The following KHSRP variants were observed in gnomAD, a reference collection of about 807,000 sequenced individuals.
The protein encoded by KHSRP is KH-type splicing regulatory protein.
In KHSRP, 13 loss-of-function variants were observed where a neutral mutation model predicts 94.9. The observed-to-expected ratio is 0.14, with a 90% confidence interval of 0.09 to 0.22. The LOEUF (loss-of-function observed/expected upper bound fraction) is 0.22. Among genes scored for constraint, KHSRP ranks in the 10% least tolerant of loss-of-function variants. The probability of loss-of-function intolerance (pLI) is 1.00; values close to 1 mark genes in which losing one functional copy is unlikely to be tolerated. For synonymous variants in KHSRP, 495 were observed against 401.4 expected, an observed-to-expected ratio of 1.23 and a Z score of -2.79; for missense variants, 710 against 1,010.0, an observed-to-expected ratio of 0.70 and a Z score of 4.03.
In KHSRP at chr19:6,422,359, CT is replaced by C; in HGVS notation, c.326del (p.Lys109ArgfsTer37). 6.2e-7 allele frequency: 1 copy of C among 1,613,502 alleles called. No individual in the cohort carries two copies. Among genetic ancestry groups the C allele is most frequent in the Non-Finnish European group, 8.5e-7 (1 of 1,179,464 alleles). On this transcript the variant is annotated frameshift_variant, in exon 2 of 19. Transcript: ENST00000600480. LOFTEE classifies it high-confidence loss of function. ...AGTTACCTCCATCTTCCAACTGTCT[CT>C]TTTGGCCCCCAAAACCAAAATCAGG... ...STPDFGFGGQ[K>X]RQLEDGDQPE...
chr19:6,417,335 A>C (rs964734452), intron 11 of KHSRP, among the ~76,000 whole-genome samples: 6 of 152,192 alleles, frequency 3.9e-5, no homozygotes, highest in African/African-American at 1.2e-4. Context: ...GCACTGAGAG[A>C]TTTTACAGAA....
intron 5 of KHSRP, 114 bp downstream of exon 5, chr19:6,420,308 G>A (rs1052011371): frequency 2.9e-5 from 34 of 1,181,330 alleles, no homozygotes; most frequent in African/African-American, 9.1e-5. Context: ...AGGGACAAAT[G>A]AGAACAGCAC....
chr19:6,420,349 G>C lies in KHSRP; in HGVS notation c.475+73C>G, dbSNP rs1306152911. ...AGCCCTCTCAGACCAGGGCTTCTGG[G>C]CTGGCAGGAGCTCACAGGACACTTC... On this transcript the variant is annotated intron_variant, in intron 5 of 18. Transcript: ENST00000600480. The C allele has an allele frequency of 4.8e-6, 7 of 1,459,416 alleles. No individual in the cohort carries two copies. In the Admixed American group the frequency reaches 1.0e-4, roughly 22 times the overall value. The allele number at this position is 1,459,416 out of a possible 1,614,324, so 90.4% of individuals were successfully genotyped here.
intron 2 of KHSRP, 119 bp from the exon 3 acceptor site, chr19:6,421,807 G>C (rs1228628900): frequency 1.7e-6 from 2 of 1,177,930 alleles, no homozygotes; most frequent in Non-Finnish European, 2.5e-6. Context: ...CTTAACAGGA[G>C]CTGAGACAGG....
rs370884577 is a variant in KHSRP at position 6,422,440 on chromosome 19, G to A, written c.250-4C>T. ...CGCCTCCAATTTTGGCTGCAATCTAGAATAAAGTAGTAAGCACAGAAGAAT... is the reference window on the plus strand; with the variant it reads ...CGCCTCCAATTTTGGCTGCAATCTAAAATAAAGTAGTAAGCACAGAAGAAT... On this transcript the variant is annotated splice_region_variant and splice_polypyrimidine_tract_variant and intron_variant, in intron 1 of 18. Coordinates refer to ENST00000600480, the MANE Select transcript of KHSRP (RefSeq NM_001366299.1). 2.5e-6 allele frequency: 4 copies of A among 1,608,568 alleles called. No individual in the cohort carries two copies. Among genetic ancestry groups the A allele is most frequent in the Admixed American group, 1.7e-5 (1 of 60,018 alleles).
At position 6,418,612 on chromosome 19, in the gene KHSRP, G is replaced by T; in HGVS notation, c.781-31C>A. ...CAAGCAAGGTTAACCGTTAGTGCTG[G>T]GCTCTCCCAGGACTTCCTGGGCTGC... On this transcript the variant is annotated intron_variant, in intron 8 of 18. Coordinates refer to ENST00000600480, the MANE Select transcript of KHSRP (RefSeq NM_001366299.1). This position sits in a 1 kb window ranked among gnomAD's most constrained non-coding sequence, Gnocchi z 4.3. 2 of 1,612,888 alleles carry T rather than the reference G, an allele frequency of 1.2e-6. No individual in the cohort carries two copies. The highest frequency in any genetic ancestry group is 1.7e-6 in the Non-Finnish European group (2 of 1,178,880).
rs1292467897 is a variant in KHSRP, at chr19:6,422,383, A to G, written c.303T>C (p.Pro101=). The change falls in exon 2 of 19, where the codon CCT becomes CCC. Residue 101 remains proline, a synonymous_variant. Coordinates refer to ENST00000600480, the MANE Select transcript of KHSRP (RefSeq NM_001366299.1). The part of the protein sequence containing the change: ...DAATTVNNST[P]DFGFGGQKRQ... Reference sequence around the variant, plus strand: ...TCTTTTGGCCCCCAAAACCAAAATCAGGAGTGCTGTTATTCACTGTCGTGG... The same window carrying G: ...TCTTTTGGCCCCCAAAACCAAAATCGGGAGTGCTGTTATTCACTGTCGTGG... 1 of 1,613,848 alleles carries G rather than the reference A, an allele frequency of 6.2e-7. No homozygotes were observed. The highest frequency in any genetic ancestry group is 1.3e-5 in the African/African-American group (1 of 75,048).
At position 6,413,490 on chromosome 19, in the gene KHSRP, G is replaced by C. The variant is rs2092115437; in HGVS notation, c.*1534C>G. 1 of 378,056 alleles carries C rather than the reference G, an allele frequency of 2.6e-6. No individual in the cohort carries two copies. The highest frequency in any genetic ancestry group is 2.2e-5 in the African/African-American group (1 of 46,104). 23.4% of individuals were successfully genotyped at this position (378,056 alleles called of 1,614,324 possible). ...ATGAAAAGACAACAGACCAGTCCTG[G>C]GAGGGGGGACGGGCGGGGCCGCGGG... On this transcript the variant is annotated 3_prime_UTR_variant, in exon 19 of 19. Coordinates refer to ENST00000600480, the MANE Select transcript of KHSRP (RefSeq NM_001366299.1).
At chr19:6,423,177 G>A (rs2092205615) in intron 1 of KHSRP, among the ~76,000 whole-genome samples, 1 of 152,194 alleles carries the variant, frequency 6.6e-6, no homozygotes, top group African/African-American at 2.4e-5. Flanking sequence ...TACTCGGGAG[G>A]CTGAGGCAGG....
Position 6,424,359 on chromosome 19 carries a change from C to T in KHSRP, c.249+94G>A, listed in dbSNP as rs1380601290. ...CCCCGCGACGGCCCCGGCCCCCCTC[C>T]GCGACCCTGCGCGCGCGCGCGCACG... is the stretch of plus-strand genomic sequence containing the variant. On this transcript the variant is annotated intron_variant, in intron 1 of 18. Coordinates refer to ENST00000600480, the MANE Select transcript of KHSRP (RefSeq NM_001366299.1). The T allele has an allele frequency of 4.9e-5, 28 of 569,862 alleles. No individual in the cohort carries two copies. The East Asian group carries it at 3.5e-3, about 72-fold the overall frequency. 35.3% of individuals were successfully genotyped at this position (569,862 alleles called of 1,614,324 possible).
chr19:6,415,006 C>T lies in KHSRP; in HGVS notation c.*18G>A, dbSNP rs559920511. 100 of 1,452,766 alleles carry T rather than the reference C, an allele frequency of 6.9e-5. No individual in the cohort carries two copies. In the East Asian group the frequency reaches 1.5e-3, roughly 22 times the overall value. 90.0% of individuals were successfully genotyped at this position (1,452,766 alleles called of 1,614,324 possible). On this transcript the variant is annotated 3_prime_UTR_variant, in exon 19 of 19. Transcript: ENST00000600480. Reference sequence around the variant, plus strand: ...GGACTCCCGGAGACCTCCGGCCACACGGCCCCCGCTGCAGGCATCAAGGGC... The same window carrying T: ...GGACTCCCGGAGACCTCCGGCCACATGGCCCCCGCTGCAGGCATCAAGGGC...
chr19:6,423,627 G>A (rs1466275850), intron 1 of KHSRP, among the ~76,000 whole-genome samples: 1 of 152,220 alleles, frequency 6.6e-6, no homozygotes, highest in Non-Finnish European at 1.5e-5. Flanking sequence ...CAGAGGGCCA[G>A]AACACAGGCG....
At chr19:6,419,863 C>A (rs760596579) in intron 6 of KHSRP, among the ~76,000 whole-genome samples, 2 of 152,230 alleles carry the variant, frequency 1.3e-5, no homozygotes, top group Non-Finnish European at 2.9e-5. Flanking sequence ...TCAGTCCATA[C>A]CCACCCACTG....
At position 6,413,488 on chromosome 19, in the gene KHSRP, T is replaced by A. The variant is rs1468702361; in HGVS notation, c.*1536A>T. 1 of 177,390 alleles carries A rather than the reference T, an allele frequency of 5.6e-6. No individual in the cohort carries two copies. The highest frequency in any genetic ancestry group is 2.9e-4 in the East Asian group (1 of 3,498). The allele number at this position is 177,390 out of a possible 1,614,324, so 11.0% of individuals were successfully genotyped here. A position where few individuals can be genotyped will look rare whatever the true frequency, so the allele number is the denominator to read the frequency against. On this transcript the variant is annotated 3_prime_UTR_variant, in exon 19 of 19. Transcript: ENST00000600480. ...AGATGAAAAGACAACAGACCAGTCC[T>A]GGGAGGGGGGACGGGCGGGGCCGCG...
chr19:6,414,430 G>C lies in KHSRP; in HGVS notation c.*594C>G. The C allele has an allele frequency of 1.6e-6, 2 of 1,257,434 alleles. No homozygotes were observed. The highest frequency in any genetic ancestry group is 3.3e-5 in the East Asian group (1 of 30,426). The allele number at this position is 1,257,434 out of a possible 1,614,324, so 77.9% of individuals were successfully genotyped here. ...CTGTCTCCGGAGGGCGGTGGCTCCC[G>C]GCGCAGCACGACGACATGAACAATC... On this transcript the variant is annotated 3_prime_UTR_variant, in exon 19 of 19. Transcript: ENST00000600480.
intron 11 of KHSRP, 150 bp from the exon 12 acceptor site, chr19:6,417,237 AGG>A: frequency 3.0e-6 from 2 of 665,860 alleles, no homozygotes; most frequent in Admixed American, 6.1e-5. Flanking sequence ...TCAGGGATTG[AGG>A]GGGAGGCGGC....
chr19:6,420,801 C>T (rs2092190737), intron 4 of KHSRP, among the ~76,000 whole-genome samples: 1 of 152,206 alleles, frequency 6.6e-6, no homozygotes, highest in Admixed American at 6.5e-5. Context: ...AAACTACTGG[C>T]CCATTAAAAA....
At position 6,415,536 on chromosome 19, in the gene KHSRP, A is replaced by G; in HGVS notation, c.1886T>C (p.Ile629Thr). The G allele has an allele frequency of 6.5e-7, 1 of 1,541,438 alleles. No homozygotes were observed. The highest frequency in any genetic ancestry group is 8.8e-7 in the Non-Finnish European group (1 of 1,142,796). Residue 629 changes from isoleucine to threonine, a missense_variant and splice_region_variant, in exon 17 of 19, where the codon ATC becomes ACC. Ile to Thr is a moderately conservative substitution (Grantham distance 89). Transcript: ENST00000600480. Reference protein sequence around the residue: ...TKAWEEYYKKIGQQPQQPGAP... With the variant: ...TKAWEEYYKKTGQQPQQPGAP... The stretch of plus-strand genomic sequence containing the variant: ...CCCCCGCCACCCTGCAGACTCACCG[A>G]TCTTTTTGTAATACTCTTCCCAGGC...
At chr19:6,422,568 G>T in intron 1 of KHSRP, 132 bp from the exon 2 acceptor site, 1 of 647,262 alleles carries the variant, frequency 1.5e-6, no homozygotes, top group Admixed American at 2.6e-5. Context: ...CCAACTTAGG[G>T]AAGAGTCAGT....
Sources: gnomAD v4.1 joint callset for allele counts (sites outside exome capture counted in the v4.1 genomes callset) on GRCh38, gnomAD v4.1.1 for gene constraint, Gnocchi (gnomAD v3.1) non-coding constraint, MANE v1.5 for transcripts, NCBI Gene and HGNC (gene_info 2026-07-23, HGNC 2026-07-21) for gene names.